UBE3C: variants seen among roughly 807,000 people sequenced by gnomAD.
The protein encoded by UBE3C is ubiquitin-protein ligase E3C.
UBE3C carries 42 observed loss-of-function variants against 129.4 expected under a neutral mutation model. The observed-to-expected ratio is 0.32, with a 90% CI of 0.25 to 0.42. The LOEUF is 0.42. Ranked by LOEUF, UBE3C falls within the 10% of genes least tolerant of loss-of-function variation. The pLI is 1.00. For missense variants in UBE3C, 1,049 were observed against 1,319.1 expected (o/e 0.80, Z 3.17); for synonymous variants, 510 against 492.4 (o/e 1.04, Z -0.47).
intron 17 of UBE3C, among the ~76,000 whole-genome samples, chr7:157,228,708 G>A (rs540323713): frequency 1.3e-5 from 2 of 152,338 alleles, no homozygotes; most frequent in East Asian, 3.9e-4. Flanking sequence ...CATCCCTGCT[G>A]CTGTGCAGAG....
rs151018797 is a variant in UBE3C at position 157,232,960 on chromosome 7, C to T, written c.2481+1633C>T. Among the ~76,000 whole-genome samples the T allele has an allele frequency of 3.4e-3, 523 of 152,170 alleles. 5 individuals carry two copies. The highest frequency in any genetic ancestry group is 0.012 in the African/African-American group (497 of 41,508). ...ACAGTTCAGTGGTTTTTAATATATTCACTGTGTTATGTGACCATCACCAAT... is the reference window on the plus strand; with the variant it reads ...ACAGTTCAGTGGTTTTTAATATATTTACTGTGTTATGTGACCATCACCAAT... On this transcript the variant is annotated intron_variant, in intron 18 of 22. Transcript: ENST00000348165.
At chr7:157,246,672 C>T (rs1222372310) in intron 18 of UBE3C, among the ~76,000 whole-genome samples, 1 of 152,196 alleles carries the variant, frequency 6.6e-6, no homozygotes. Flanking sequence ...CCTTCACCTT[C>T]CCTCTCTCTG....
In UBE3C at chr7:157,231,468, G is replaced by A. The variant is rs1796020007; in HGVS notation, c.2481+141G>A. 11 of 1,286,084 alleles carry A rather than the reference G, an allele frequency of 8.6e-6. No individual in the cohort carries two copies. The South Asian group carries it at 8.7e-5, about 10-fold the overall frequency. The allele number at this position is 1,286,084 out of a possible 1,614,324, so 79.7% of individuals were successfully genotyped here. ...GCTAAATGTTGCAAAAGCACTGCAC[G>A]AAACAAATTTGTATGGTTGTAAGTA... On this transcript the variant is annotated intron_variant, in intron 18 of 22. Transcript: ENST00000348165.
chr7:157,256,476 C>T (rs1028382139), intron 21 of UBE3C, among the ~76,000 whole-genome samples: 2 of 148,088 alleles, frequency 1.4e-5, no homozygotes, highest in African/African-American at 5.0e-5. Flanking sequence ...CTCTCCCCTT[C>T]TCGTACTTTG....
intron 6 of UBE3C, among the ~76,000 whole-genome samples, chr7:157,180,233 C>T (rs1808631693): frequency 6.6e-6 from 1 of 152,146 alleles, no homozygotes; most frequent in South Asian, 2.1e-4. Context: ...CATTCTGTGC[C>T]ATGAAGCTTT....
chr7:157,210,081 G>A (rs1208541649), intron 13 of UBE3C, among the ~76,000 whole-genome samples: 1 of 152,156 alleles, frequency 6.6e-6, no homozygotes, highest in Non-Finnish European at 1.5e-5. Flanking sequence ...GGAGGCTGGG[G>A]CAGGAGAATT....
In UBE3C at chr7:157,140,234, A is replaced by G. The variant is rs969711177; in HGVS notation, c.66+896A>G. On this transcript the variant is annotated intron_variant, in intron 1 of 22. Coordinates refer to ENST00000348165, the MANE Select transcript of UBE3C (RefSeq NM_014671.3). ...CTTCACCTAGTTTTTCTTGTCTATC[A>G]GTATATTCTGTATATCACAACCACC... 2.7e-5 allele frequency among the ~76,000 whole-genome samples: 4 copies of G among 148,578 alleles called. No homozygotes were observed. The Admixed American group carries it at 2.8e-4, about 10-fold the overall frequency.
intron 1 of UBE3C, among the ~76,000 whole-genome samples, chr7:157,159,461 A>G (rs1351174650): frequency 6.6e-6 from 1 of 152,254 alleles, no homozygotes; most frequent in African/African-American, 2.4e-5. Context: ...AAAAGGACAC[A>G]TTCAAAAGAT....
intron 13 of UBE3C, among the ~76,000 whole-genome samples, chr7:157,208,418 A>C (rs751889907): frequency 1.3e-5 from 2 of 152,156 alleles, no homozygotes; most frequent in African/African-American, 2.4e-5. Context: ...AGTACTTTTG[A>C]TTAATTAAGG....
intron 22 of UBE3C, among the ~76,000 whole-genome samples, chr7:157,264,551 G>C (rs1294311698): frequency 6.6e-6 from 1 of 151,322 alleles, no homozygotes; most frequent in Non-Finnish European, 1.5e-5. Flanking sequence ...TTACAGGTGT[G>C]AGCCAACATG....
chr7:157,216,468 G>C (rs1417362576), intron 13 of UBE3C, among the ~76,000 whole-genome samples: 1 of 151,596 alleles, frequency 6.6e-6, no homozygotes, highest in Non-Finnish European at 1.5e-5. Context: ...ATTAAGCTCG[G>C]TCCCCAGTAG....
chr7:157,206,754 G>A (rs754683621), intron 11 of UBE3C, among the ~76,000 whole-genome samples: 1 of 149,660 alleles, frequency 6.7e-6, no homozygotes, highest in Non-Finnish European at 1.5e-5. Flanking sequence ...CACCACACCT[G>A]GCTAATTAAT....
chr7:157,241,458 G>C, intron 18 of UBE3C, among the ~76,000 whole-genome samples: 1 of 152,200 alleles, frequency 6.6e-6, no homozygotes, highest in African/African-American at 2.4e-5. Context: ...CCATTGGTTC[G>C]TGCAAAGATG....
Position 157,256,989 on chromosome 7 carries a change from G to T in UBE3C, c.3026G>T (p.Arg1009Leu), listed in dbSNP as rs1393034393. The T allele has an allele frequency of 2.5e-6, 4 of 1,614,068 alleles. No individual in the cohort carries two copies. The highest frequency in any genetic ancestry group is 3.4e-6 in the Non-Finnish European group (4 of 1,180,030). ...GAAGGGTTCACTGATGAAGAAAAGC[G>T]CAAACTGCTGAAGTTTGTAACAAGC... ...VVEGFTDEEKRKLLKFVTSCS... is the reference protein window; with the variant it reads ...VVEGFTDEEKLKLLKFVTSCS... The change falls in exon 22 of 23, where the codon CGC becomes CTC. Residue 1009 changes from arginine (R) to leucine (L), a missense_variant. By Grantham distance (102) the Arg-to-Leu change is moderately radical (BLOSUM62 -2). Coordinates refer to ENST00000348165, the MANE Select transcript of UBE3C (RefSeq NM_014671.3).
chr7:157,183,960 C>T lies in UBE3C; in HGVS notation c.1074C>T (p.Ser358=), dbSNP rs951033281. 6 of 1,614,162 alleles carry T rather than the reference C, an allele frequency of 3.7e-6. No individual in the cohort carries two copies. In the African/African-American group the frequency reaches 4.0e-5, roughly 11 times the overall value. The part of the protein sequence containing the change: ...FLSQLPVSPA[S]ASCHDSASDS... ...CTCAGTTACCAGTCTCTCCTGCCAG[C>T]GCGAGCTGTCACGACTCAGCCAGTG... Residue 358 remains serine, a synonymous_variant, in exon 9 of 23, where the codon AGC becomes AGT. Transcript: ENST00000348165.
At chr7:157,255,414 G>C (rs1796726662) in intron 21 of UBE3C, among the ~76,000 whole-genome samples, 1 of 152,204 alleles carries the variant, frequency 6.6e-6, no homozygotes, top group South Asian at 2.1e-4. Context: ...CATATAACCT[G>C]TGTGTATCCA....
chr7:157,188,811 T>C, intron 10 of UBE3C: 1 of 415,608 alleles, frequency 2.4e-6, no homozygotes, highest in Non-Finnish European at 4.3e-6. Flanking sequence ...TTTGATTTTT[T>C]TAAAAAAGTA....
At chr7:157,146,328 G>A (rs1471758931) in intron 1 of UBE3C, among the ~76,000 whole-genome samples, 1 of 151,820 alleles carries the variant, frequency 6.6e-6, no homozygotes, top group Non-Finnish European at 1.5e-5. Context: ...TGCAACCTCT[G>A]TCAAGCAGTT....
At chr7:157,197,595 C>G (rs575057044) in intron 10 of UBE3C, 2 of 1,591,748 alleles carry the variant, frequency 1.3e-6, no homozygotes, top group African/African-American at 1.4e-5. Context: ...TGGATAGGAA[C>G]AATATTATTT....
Sources: gnomAD v4.1 joint callset for allele counts (sites outside exome capture counted in the v4.1 genomes callset) on GRCh38, gnomAD v4.1.1 for gene constraint, MANE v1.5 for transcripts, NCBI Gene and HGNC (gene_info 2026-07-23, HGNC 2026-07-21) for gene names.